CNN3: variants seen among roughly 807,000 people sequenced by gnomAD.
The protein encoded by CNN3 is calponin 3.
Under a neutral mutation model 39.0 loss-of-function variants are expected in CNN3, and 11 were observed. The observed-to-expected ratio is 0.28, with a 90% CI of 0.18 to 0.47. The LOEUF (loss-of-function observed/expected upper bound fraction) is 0.47, where lower values mean the gene tolerates loss of function less well. CNN3 is among the 20% of genes least tolerant of loss of function. The pLI, the probability that CNN3 is intolerant of heterozygous loss-of-function variation, is 0.99. For missense variants in CNN3, 266 were observed against 403.4 expected (o/e 0.66, Z 2.92); for synonymous variants, 101 against 138.3 (o/e 0.73, Z 1.89).
chr1:94,909,801 G>A (rs985953207), intron 1 of CNN3, among the ~76,000 whole-genome samples: 5 of 151,974 alleles, frequency 3.3e-5, no homozygotes, highest in South Asian at 4.2e-4. Context: ...CCAAAAGCTC[G>A]ATTCCTGCGC....
At position 94,904,030 on chromosome 1, in the gene CNN3, A is replaced by AAC. The variant is rs146479903; in HGVS notation, c.58-508_58-507dup. ...TCAGCCAAATACACACTATATACTA[A>AAC]ACACACACACACACACTTTCCTCAG... On this transcript the variant is annotated intron_variant, in intron 1 of 6. Transcript: ENST00000370206. 1.1e-3 allele frequency among the ~76,000 whole-genome samples: 164 copies of AAC among 151,668 alleles called. 1 individual carries two copies. The highest frequency in any genetic ancestry group is 3.4e-3 in the Middle Eastern group (1 of 292).
chr1:94,900,350 C>G lies in CNN3; in HGVS notation c.502-833G>C, dbSNP rs181631327. ...ATTCACTGTCAACATTTGTGAATAT[C>G]CTTTTAGCTTTTTAACCTATGTGTC... On this transcript the variant is annotated intron_variant, in intron 5 of 6. Transcript: ENST00000370206. Among the ~76,000 whole-genome samples the G allele has an allele frequency of 2.9e-3, 443 of 152,220 alleles. 2 individuals carry two copies. Among genetic ancestry groups the G allele is most frequent in the Admixed American group, 6.0e-3 (91 of 15,288 alleles).
chr1:94,924,633 G>GA (rs373296657), intron 1 of CNN3, among the ~76,000 whole-genome samples: 7 of 150,706 alleles, frequency 4.6e-5, no homozygotes, highest in African/African-American at 7.3e-5. Context: ...AAAAAAGAAA[G>GA]AAAAAAAAAT....
intron 1 of CNN3, among the ~76,000 whole-genome samples, chr1:94,910,322 C>G (rs1355947446): frequency 1.3e-5 from 2 of 152,114 alleles, no homozygotes; most frequent in Admixed American, 1.3e-4. Flanking sequence ...GTCCTAAAAG[C>G]TTACATTCTA....
intron 1 of CNN3, among the ~76,000 whole-genome samples, chr1:94,905,872 T>A (rs1195520103): frequency 2.0e-5 from 3 of 152,162 alleles, no homozygotes; most frequent in African/African-American, 7.2e-5. Flanking sequence ...CCATTACTCC[T>A]ATTATACCTC....
In CNN3 at chr1:94,898,004, A is replaced by G; in HGVS notation, c.728T>C (p.Ile243Thr). The G allele has an allele frequency of 6.2e-7, 1 of 1,614,078 alleles. No individual in the cohort carries two copies. The highest frequency in any genetic ancestry group is 8.5e-7 in the Non-Finnish European group (1 of 1,179,982). The change falls in exon 7 of 7, where the codon ATT becomes ACT. Residue 243 changes from isoleucine to threonine, a missense_variant. Ile to Thr is a moderately conservative substitution (Grantham distance 89). Coordinates refer to ENST00000370206, the MANE Select transcript of CNN3 (RefSeq NM_001839.5). ...TTTGTTGGTACCCATCTGTAGGGAA[A>G]TTGTCGAGTTGTCCACCGGCTGTAA... is the stretch of plus-strand genomic sequence containing the variant. ...LTLQPVDNST[I>T]SLQMGTNKVA...
chr1:94,908,699 C>A (rs573850971), intron 1 of CNN3, among the ~76,000 whole-genome samples: 2 of 152,228 alleles, frequency 1.3e-5, no homozygotes, highest in African/African-American at 4.8e-5. Context: ...CACCACCACA[C>A]CCAGCTAATT....
intron 1 of CNN3, among the ~76,000 whole-genome samples, chr1:94,925,097 A>T: frequency 6.6e-6 from 1 of 152,208 alleles, no homozygotes; most frequent in Middle Eastern, 3.2e-3. Flanking sequence ...AAGCTGCTAC[A>T]TTAGTCAGCA....
intron 1 of CNN3, chr1:94,924,056 G>GTAAA (rs1453369213): frequency 3.3e-5 from 5 of 152,312 alleles, no homozygotes; most frequent in Admixed American, 6.5e-5. Flanking sequence ...TAAATGAGAT[G>GTAAA]TGGGGGTAGA....
At position 94,912,824 on chromosome 1, in the gene CNN3, G is replaced by A. The variant is rs181883823; in HGVS notation, c.58-9300C>T. 3.1e-4 allele frequency among the ~76,000 whole-genome samples: 47 copies of A among 152,316 alleles called. 1 individual carries two copies. The highest frequency in any genetic ancestry group is 6.8e-3 in the Middle Eastern group (2 of 294). On this transcript the variant is annotated intron_variant, in intron 1 of 6. Coordinates refer to ENST00000370206, the MANE Select transcript of CNN3 (RefSeq NM_001839.5). ...TCTGGTAATCTTAGATGGCCCACTAGGGATATAATTGCATTACTTTCTCAT... is the reference window on the plus strand; with the variant it reads ...TCTGGTAATCTTAGATGGCCCACTAAGGATATAATTGCATTACTTTCTCAT...
At chr1:94,898,455 A>G (rs375323031) in intron 6 of CNN3, among the ~76,000 whole-genome samples, 10 of 152,216 alleles carry the variant, frequency 6.6e-5, no homozygotes, top group African/African-American at 2.4e-4. Context: ...TCCACACCAG[A>G]AAGTTCCATG....
chr1:94,905,901 A>T (rs1177183030), intron 1 of CNN3, among the ~76,000 whole-genome samples: 1 of 152,064 alleles, frequency 6.6e-6, no homozygotes, highest in African/African-American at 2.4e-5. Flanking sequence ...ATTCTTGGAT[A>T]ATATATCTCC....
intron 1 of CNN3, among the ~76,000 whole-genome samples, chr1:94,922,366 T>C (rs1671469271): frequency 6.6e-6 from 1 of 152,238 alleles, no homozygotes; most frequent in Non-Finnish European, 1.5e-5. Context: ...TGTCTAGAGA[T>C]AGCAAAATCT....
chr1:94,903,633 G>A, intron 1 of CNN3, 109 bp from the exon 2 acceptor site: 6 of 1,434,056 alleles, frequency 4.2e-6, no homozygotes, highest in Non-Finnish European at 5.7e-6. Flanking sequence ...GCTGTGAAGT[G>A]TAGTAAATGA....
Position 94,926,409 on chromosome 1 carries a change from C to G in CNN3, c.57+429G>C, listed in dbSNP as rs1671581560. On this transcript the variant is annotated intron_variant, in intron 1 of 6. Coordinates refer to ENST00000370206, the MANE Select transcript of CNN3 (RefSeq NM_001839.5). The surrounding 1 kb of genome is among the most constrained non-coding windows in gnomAD (Gnocchi z 4.2). ...AGTCCGCCAGCACCCGGGGCCCGGG[C>G]AGATGGCGGGGGCTGCGGCAGCGGC... is the stretch of plus-strand genomic sequence containing the variant. 6.6e-6 allele frequency among the ~76,000 whole-genome samples: 1 copy of G among 152,186 alleles called. No individual in the cohort carries two copies. Among genetic ancestry groups the G allele is most frequent in the Admixed American group, 6.5e-5 (1 of 15,286 alleles).
At chr1:94,899,302 C>T (rs1194453906) in intron 6 of CNN3, 69 bp downstream of exon 6, 3 of 1,484,610 alleles carry the variant, frequency 2.0e-6, no homozygotes, top group African/African-American at 1.4e-5. Flanking sequence ...AAAATACCTA[C>T]TTTAAACTTC....
intron 1 of CNN3, among the ~76,000 whole-genome samples, chr1:94,917,184 G>A (rs971555846): frequency 1.8e-4 from 28 of 152,156 alleles, no homozygotes; most frequent in Non-Finnish European, 3.2e-4. Flanking sequence ...TTACAGGCAT[G>A]CGCCACCATG....
intron 1 of CNN3, among the ~76,000 whole-genome samples, chr1:94,924,617 C>T (rs544971743): frequency 2.6e-5 from 4 of 151,960 alleles, no homozygotes; most frequent in East Asian, 3.9e-4. Context: ...AGCAAGACTC[C>T]GTCTCAAAAA....
At position 94,926,817 on chromosome 1, in the gene CNN3, G is replaced by A. The variant is rs755567640; in HGVS notation, c.57+21C>T. The A allele has an allele frequency of 6.2e-7, 1 of 1,606,508 alleles. No homozygotes were observed. Among genetic ancestry groups the A allele is most frequent in the South Asian group, 1.1e-5 (1 of 89,970 alleles). The stretch of plus-strand genomic sequence containing the variant: ...CCAAGGGTGCCCCGGGGGCCCCCGC[G>A]CCCGCCCGAGCCAGGCGTACCTTGT... On this transcript the variant is annotated intron_variant, in intron 1 of 6. Transcript: ENST00000370206. The surrounding 1 kb of genome is among the most constrained non-coding windows in gnomAD (Gnocchi z 4.2).
Sources: allele counts gnomAD v4.1 joint callset (sites outside exome capture counted in the v4.1 genomes callset), GRCh38; gene constraint gnomAD v4.1.1; non-coding constraint Gnocchi (gnomAD v3.1); transcripts MANE v1.5; gene names NCBI Gene and HGNC (gene_info 2026-07-23, HGNC 2026-07-21).